HCN1: variants seen among roughly 807,000 people sequenced by gnomAD.
HCN1 encodes hyperpolarization activated cyclic nucleotide gated potassium channel 1.
A neutral mutation model predicts 78.9 loss-of-function variants in HCN1; 13 were observed. The ratio of observed to expected loss-of-function variants is 0.16; its 90% CI spans 0.11 to 0.26. HCN1 has a LOEUF of 0.26. Ranked by LOEUF, HCN1 falls within the 10% of genes least tolerant of loss-of-function variation. HCN1 has a pLI of 1.00. For synonymous variants in HCN1, 552 were observed against 455.5 expected (o/e 1.21, Z -2.70); for missense variants, 810 against 1,154.3 (o/e 0.70, Z 4.32).
At chr5:45,619,079 A>C (rs2111991442) in intron 2 of HCN1, among the ~76,000 whole-genome samples, 1 of 152,176 alleles carries the variant, frequency 6.6e-6, no homozygotes, top group African/African-American at 2.4e-5. Flanking sequence ...CTGGTAGAAA[A>C]ATTGATTTTT....
intron 5 of HCN1, among the ~76,000 whole-genome samples, chr5:45,346,909 C>G (rs1746729990): frequency 6.6e-6 from 1 of 152,216 alleles, no homozygotes; most frequent in South Asian, 2.1e-4. Flanking sequence ...GGCCTGCCTG[C>G]CTCTGTAGGC....
At chr5:45,376,065 AAT>A (rs200687887) in intron 4 of HCN1, among the ~76,000 whole-genome samples, 1,504 of 111,672 alleles carry the variant, frequency 0.013, 46 homozygotes, top group African/African-American at 0.053. Context: ...TATACAATAT[AAT>A]ATGTTATAAT....
intron 6 of HCN1, among the ~76,000 whole-genome samples, chr5:45,280,740 T>G (rs1745140537): frequency 6.6e-6 from 1 of 152,232 alleles, no homozygotes; most frequent in African/African-American, 2.4e-5. Context: ...TAAAATTATG[T>G]TTTAGATATC....
chr5:45,281,816 T>A (rs1191267084), intron 6 of HCN1, among the ~76,000 whole-genome samples: 1 of 151,746 alleles, frequency 6.6e-6, no homozygotes, highest in Non-Finnish European at 1.5e-5. Context: ...ATGGTCTTGA[T>A]CTCCTGACCT....
intron 5 of HCN1, among the ~76,000 whole-genome samples, chr5:45,317,514 C>T (rs1746020030): frequency 6.6e-6 from 1 of 152,188 alleles, no homozygotes; most frequent in African/African-American, 2.4e-5. Flanking sequence ...GCAAGGACTT[C>T]ATGACTAAAA....
At chr5:45,415,816 G>T (rs1372600814) in intron 3 of HCN1, among the ~76,000 whole-genome samples, 1 of 152,002 alleles carries the variant, frequency 6.6e-6, no homozygotes, top group African/African-American at 2.4e-5. Flanking sequence ...CATAGACCAT[G>T]TCCTAAACAT....
intron 2 of HCN1, among the ~76,000 whole-genome samples, chr5:45,639,742 G>A (rs992429211): frequency 5.9e-5 from 9 of 152,132 alleles, no homozygotes; most frequent in East Asian, 1.9e-4. Context: ...GTTTGACACC[G>A]ACTGCATACA....
chr5:45,601,627 G>T (rs1744627851), intron 2 of HCN1, among the ~76,000 whole-genome samples: 1 of 152,116 alleles, frequency 6.6e-6, no homozygotes, highest in African/African-American at 2.4e-5. Context: ...TGTTTTGGCT[G>T]CCCAGAGTCC....
chr5:45,431,711 T>C (rs1740466862), intron 3 of HCN1, among the ~76,000 whole-genome samples: 1 of 152,184 alleles, frequency 6.6e-6, no homozygotes, highest in Non-Finnish European at 1.5e-5. Flanking sequence ...CGTTGCTTGT[T>C]TTTGTCAACT....
Position 45,696,190 on chromosome 5 carries a change from T to C in HCN1, c.-97A>G. ...CGAGAGGGTAGGGGCCCGAGCCGGC[T>C]GCCGGCGAGCCCAGCTGCCCGTCGC... is the stretch of plus-strand genomic sequence containing the variant. On this transcript the variant is annotated 5_prime_UTR_variant, in exon 1 of 8. Coordinates refer to ENST00000303230, the MANE Select transcript of HCN1 (RefSeq NM_021072.4). 1 of 675,596 alleles carries C rather than the reference T, an allele frequency of 1.5e-6. No homozygotes were observed. The highest frequency in any genetic ancestry group is 1.9e-6 in the Non-Finnish European group (1 of 531,522). The allele number at this position is 675,596 out of a possible 1,614,324, so 41.9% of individuals were successfully genotyped here.
chr5:45,528,288 T>G (rs1742779128), intron 2 of HCN1, among the ~76,000 whole-genome samples: 1 of 152,032 alleles, frequency 6.6e-6, no homozygotes, highest in Admixed American at 6.6e-5. Context: ...GAGATTCATC[T>G]ATTAATATTC....
intron 2 of HCN1, chr5:45,641,576 A>G (rs1745455835): frequency 6.6e-6 from 1 of 152,202 alleles, no homozygotes; most frequent in African/African-American, 2.4e-5. Flanking sequence ...AAAATATTAT[A>G]GTTATATATT....
chr5:45,688,650 T>C (rs1031576361), intron 1 of HCN1, among the ~76,000 whole-genome samples: 1 of 152,038 alleles, frequency 6.6e-6, no homozygotes, highest in Admixed American at 6.6e-5. Flanking sequence ...CAAAGAGAAA[T>C]GAAAACATCT....
At chr5:45,460,160 T>G (rs76801900) in intron 3 of HCN1, among the ~76,000 whole-genome samples, 5,032 of 152,252 alleles carry the variant, frequency 0.033, 312 homozygotes, top group African/African-American at 0.11. Flanking sequence ...GTTAGAAGCT[T>G]AATCCATATT....
chr5:45,478,639 T>A (rs991411724), intron 2 of HCN1, among the ~76,000 whole-genome samples: 7 of 152,180 alleles, frequency 4.6e-5, no homozygotes, highest in Admixed American at 3.3e-4. Context: ...GTGATGCATG[T>A]CTGGCATATT....
intron 3 of HCN1, among the ~76,000 whole-genome samples, chr5:45,418,965 G>A (rs1425749658): frequency 6.6e-6 from 1 of 152,110 alleles, no homozygotes; most frequent in Non-Finnish European, 1.5e-5. Context: ...AGACTGCTAT[G>A]TGATTTATAG....
At position 45,696,081 on chromosome 5, in the gene HCN1, C is replaced by T; in HGVS notation, c.13G>A (p.Gly5Ser). 2 of 1,350,698 alleles carry T rather than the reference C, an allele frequency of 1.5e-6. No individual in the cohort carries two copies. Among genetic ancestry groups the T allele is most frequent in the East Asian group, 3.8e-5 (1 of 26,296 alleles). The allele number at this position is 1,350,698 out of a possible 1,614,324, so 83.7% of individuals were successfully genotyped here. A position where few individuals can be genotyped will look rare whatever the true frequency, so the allele number is the denominator to read the frequency against. The change falls in exon 1 of 8, where the codon GGC (glycine) becomes AGC (serine). Residue 5 changes from glycine to serine, a missense_variant. Transcript: ENST00000303230. The part of the protein sequence containing the change: MEGG[G>S]KPNSSSNSRD... Reference sequence around the variant, plus strand: ...CTGTTAGACGAAGAGTTGGGCTTGCCGCCTCCTTCCATGCCCGGAGGACGC... The same window carrying T: ...CTGTTAGACGAAGAGTTGGGCTTGCTGCCTCCTTCCATGCCCGGAGGACGC...
At chr5:45,663,611 G>GA (rs1479985483) in intron 1 of HCN1, among the ~76,000 whole-genome samples, 2,244 of 144,344 alleles carry the variant, frequency 0.016, 56 homozygotes, top group African/African-American at 0.054. Flanking sequence ...AAATTTACAA[G>GA]AAAAAAACAA....
intron 3 of HCN1, among the ~76,000 whole-genome samples, chr5:45,402,874 TTCCCTCCC>T (rs530896512): frequency 2.2e-5 from 3 of 138,332 alleles, no homozygotes; most frequent in Non-Finnish European, 4.7e-5. Context: ...CTCTACTTCC[TTCCCTCCC>T]TCCCTCCCTC....
Sources: gnomAD v4.1 joint callset for allele counts (sites outside exome capture counted in the v4.1 genomes callset) on GRCh38, gnomAD v4.1.1 for gene constraint, MANE v1.5 for transcripts, NCBI Gene and HGNC (gene_info 2026-07-23, HGNC 2026-07-21) for gene names.